KCNT1: variants seen among roughly 807,000 people sequenced by gnomAD.
KCNT1 encodes the protein potassium sodium-activated channel subfamily T member 1, also known as potassium channel subfamily T member 1.
In KCNT1, 78 loss-of-function variants were observed where a neutral mutation model predicts 147.8. The observed-to-expected ratio is 0.53, with a 90% confidence interval of 0.44 to 0.64. The LOEUF is 0.64. Among genes scored for constraint, KCNT1 ranks in the 30% least tolerant of loss-of-function variants. The probability of loss-of-function intolerance (pLI) is 0.00; values close to 1 mark genes in which losing one functional copy is unlikely to be tolerated. For synonymous variants in KCNT1, 867 were observed against 748.8 expected (o/e 1.16, Z -2.58); for missense variants, 1,419 against 1,750.3 (o/e 0.81, Z 3.38).
Position 135,758,331 on chromosome 9 carries a change from C to T in KCNT1, c.760-83C>T, listed in dbSNP as rs534558888. 6.5e-5 allele frequency: 71 copies of T among 1,094,494 alleles called. No homozygotes were observed. The African/African-American group carries it at 9.2e-4, about 14-fold the overall frequency. The allele number at this position is 1,094,494 out of a possible 1,614,324, so 67.8% of individuals were successfully genotyped here. ...CAGGTGTGGCCGGGCCGTCTGCTTTCCACTGTCCTTCTAGTCTCTATTCAT... is the reference window on the plus strand; with the variant it reads ...CAGGTGTGGCCGGGCCGTCTGCTTTTCACTGTCCTTCTAGTCTCTATTCAT... On this transcript the variant is annotated intron_variant, in intron 9 of 30. Coordinates refer to ENST00000371757, the MANE Select transcript of KCNT1 (RefSeq NM_020822.3).
intron 2 of KCNT1, among the ~76,000 whole-genome samples, chr9:135,720,420 C>T (rs1399146561): frequency 6.6e-6 from 1 of 152,068 alleles, no homozygotes; most frequent in Non-Finnish European, 1.5e-5. Flanking sequence ...CTGGGTGACT[C>T]GGTGTGCTGA....
chr9:135,742,903 C>G (rs1185502985), intron 2 of KCNT1: 4 of 698,622 alleles, frequency 5.7e-6, no homozygotes, highest in Non-Finnish European at 1.1e-5. Flanking sequence ...GTCCCCTCAA[C>G]CCAGCATCCC....
chr9:135,786,085 C>T (rs78723047), intron 28 of KCNT1, 112 bp from the exon 29 acceptor site: 12 of 940,542 alleles, frequency 1.3e-5, no homozygotes, highest in Admixed American at 2.8e-5. Context: ...GCTGCTCCCA[C>T]GCAGGCCCCA....
At position 135,786,502 on chromosome 9, in the gene KCNT1, G is replaced by T. The variant is rs371640443; in HGVS notation, c.3483G>T (p.Gly1161=). 6 of 1,597,120 alleles carry T rather than the reference G, an allele frequency of 3.8e-6. No individual in the cohort carries two copies. In the African/African-American group the frequency reaches 8.1e-5, roughly 22 times the overall value. ...TGAAGAACCGCATGAAGCACCTGGGGCTGCCCACCACCGGCTACGGTAAGG... is the reference window on the plus strand; with the variant it reads ...TGAAGAACCGCATGAAGCACCTGGGTCTGCCCACCACCGGCTACGGTAAGG... ...ELVKNRMKHL[G]LPTTGYDEMN... is the part of the protein sequence containing the mutation. Residue 1161 remains glycine, a synonymous_variant, in exon 29 of 31, where the codon GGG becomes GGT. Coordinates refer to ENST00000371757, the MANE Select transcript of KCNT1 (RefSeq NM_020822.3).
At chr9:135,788,128 T>C in intron 29 of KCNT1, 1 of 1,612,810 alleles carries the variant, frequency 6.2e-7, no homozygotes, top group Non-Finnish European at 8.5e-7. Context: ...CAGCCAGTGA[T>C]GTCATGAATC....
intron 11 of KCNT1, among the ~76,000 whole-genome samples, chr9:135,763,804 C>A (rs1016219633): frequency 6.6e-6 from 1 of 152,144 alleles, no homozygotes; most frequent in Non-Finnish European, 1.5e-5. Flanking sequence ...AGGGTCACTA[C>A]GGAGCTGCCG....
chr9:135,702,514 C>T (rs182840679), intron 1 of KCNT1, 146 bp downstream of exon 1: 1 of 683,748 alleles, frequency 1.5e-6, no homozygotes, highest in East Asian at 2.9e-5. Flanking sequence ...CCCTCCCAAC[C>T]ACCTTGGGGA....
intron 2 of KCNT1, among the ~76,000 whole-genome samples, chr9:135,726,129 G>A (rs952760597): frequency 1.3e-5 from 2 of 152,164 alleles, no homozygotes; most frequent in African/African-American, 2.4e-5. Flanking sequence ...CTGCAGTCGT[G>A]GGGGCAGGGG....
At chr9:135,779,008 G>T (rs1833395925) in intron 23 of KCNT1, among the ~76,000 whole-genome samples, 186 bp downstream of exon 23, 2 of 128,166 alleles carry the variant, frequency 1.6e-5, no homozygotes, top group Admixed American at 1.7e-4. Context: ...GACCCCCACA[G>T]CTATGACCAC....
chr9:135,753,883 C>T (rs1831333125), intron 4 of KCNT1, 54 bp from the exon 5 acceptor site: 3 of 1,603,472 alleles, frequency 1.9e-6, no homozygotes, highest in South Asian at 2.2e-5. Flanking sequence ...GCAGCAAGTC[C>T]TTGCAGTGGT....
intron 2 of KCNT1, among the ~76,000 whole-genome samples, chr9:135,728,266 T>C (rs1383129223): frequency 6.6e-6 from 1 of 152,198 alleles, no homozygotes; most frequent in Non-Finnish European, 1.5e-5. Context: ...TCCAGAACTG[T>C]TGCTTCAAGC....
intron 2 of KCNT1, among the ~76,000 whole-genome samples, chr9:135,746,305 A>G (rs1244899788): frequency 6.6e-6 from 1 of 152,044 alleles, no homozygotes; most frequent in East Asian, 1.9e-4. Flanking sequence ...GGCTACCCAG[A>G]TTGGGGCCCA....
At chr9:135,765,224 C>T (rs761620807) in intron 12 of KCNT1, 29 bp downstream of exon 12, 34 of 1,592,268 alleles carry the variant, frequency 2.1e-5, no homozygotes, top group South Asian at 1.1e-4. Context: ...GCCCAGCAGA[C>T]GACTCCCTCC....
At position 135,792,213 on chromosome 9, in the gene KCNT1, C is replaced by T. The variant is rs774477157; in HGVS notation, c.*52C>T. On this transcript the variant is annotated 3_prime_UTR_variant, in exon 31 of 31. Transcript: ENST00000371757. ...CCAAGCCCGGGGTCCTCAGGAAGGA[C>T]GTGGAGGAGCGTGTGAGGACACGGT... 1.0e-5 allele frequency: 16 copies of T among 1,568,458 alleles called. No homozygotes were observed. The highest frequency in any genetic ancestry group is 5.7e-5 in the South Asian group (5 of 87,140).
intron 2 of KCNT1, among the ~76,000 whole-genome samples, chr9:135,748,942 G>A (rs903611387): frequency 3.3e-5 from 5 of 152,198 alleles, no homozygotes; most frequent in Non-Finnish European, 5.9e-5. Flanking sequence ...GGAGGGCACA[G>A]GGCCATGGCT....
At position 135,791,774 on chromosome 9, in the gene KCNT1, C is replaced by G. The variant is rs1834550989; in HGVS notation, c.3503-23C>G. On this transcript the variant is annotated intron_variant, in intron 29 of 30. Transcript: ENST00000371757. ...AGGGGCAGGGCTGGGGGGGTGACGT[C>G]TGCCCGGCTGTGTCCTTTGCAGACG... The G allele has an allele frequency of 3.7e-6, 6 of 1,611,066 alleles. No homozygotes were observed. The African/African-American group carries it at 4.0e-5, about 11-fold the overall frequency.
At chr9:135,784,457 G>A (rs1466881758) in intron 25 of KCNT1, 78 bp from the exon 26 acceptor site, 20 of 1,065,204 alleles carry the variant, frequency 1.9e-5, no homozygotes, top group African/African-American at 9.5e-5. Context: ...TGTGTCCCAC[G>A]CCCGTGCCCG....
chr9:135,702,322 T>A lies in KCNT1; in HGVS notation c.64T>A (p.Tyr22Asn), dbSNP rs776984553. ...CTGCCGGGAGGCGCGCGGCGGGGGC[T>A]ACACCAACCGGACCTTCGAGTTTGA... ...GVCREARGGG[Y>N]TNRTFEFDDG... Residue 22 changes from tyrosine (Y) to asparagine (N), a missense_variant, in exon 1 of 31, where the codon TAC becomes AAC. By Grantham distance (143) the Tyr-to-Asn change is moderately radical. Coordinates refer to ENST00000371757, the MANE Select transcript of KCNT1 (RefSeq NM_020822.3). 6.2e-7 allele frequency: 1 copy of A among 1,611,490 alleles called. No homozygotes were observed. Among genetic ancestry groups the A allele is most frequent in the Non-Finnish European group, 8.5e-7 (1 of 1,179,298 alleles).
Position 135,706,300 on chromosome 9 carries a change from C to G in KCNT1, c.110+3932C>G, listed in dbSNP as rs565362598. Among the ~76,000 whole-genome samples, 3 of 152,354 alleles carry G rather than the reference C, an allele frequency of 2.0e-5. No individual in the cohort carries two copies. The South Asian group carries it at 6.2e-4, about 32-fold the overall frequency. On this transcript the variant is annotated intron_variant, in intron 1 of 30. Transcript: ENST00000371757. ...TGTCACGCACCAGCCTGTGTTGACA[C>G]GTCAGAGCTAAGCATTTGTCCGGTG...
Sources: gnomAD v4.1 joint callset for allele counts (sites outside exome capture counted in the v4.1 genomes callset) on GRCh38, gnomAD v4.1.1 for gene constraint, MANE v1.5 for transcripts, NCBI Gene and HGNC (gene_info 2026-07-23, HGNC 2026-07-21) for gene names.